The following MAP3K9 variants were observed in gnomAD, a reference collection of about 807,000 sequenced individuals.
The protein encoded by MAP3K9 is mitogen-activated protein kinase kinase kinase 9.
Under a neutral mutation model 95.8 loss-of-function variants are expected in MAP3K9, and 46 were observed. The ratio of observed to expected loss-of-function variants is 0.48; its 90% CI spans 0.38 to 0.61. The LOEUF (loss-of-function observed/expected upper bound fraction) is 0.61. MAP3K9 is among the 20% of genes least tolerant of loss of function. The probability of loss-of-function intolerance (pLI) is 0.00; values close to 1 mark genes in which losing one functional copy is unlikely to be tolerated. For missense variants in MAP3K9, 1,296 were observed against 1,474.3 expected, an observed-to-expected ratio of 0.88 and a Z score of 1.98; for synonymous variants, 533 against 593.8, an observed-to-expected ratio of 0.90 and a Z score of 1.49.
chr14:70,758,592 T>C (rs2054328233), intron 3 of MAP3K9, among the ~76,000 whole-genome samples: 4 of 152,152 alleles, frequency 2.6e-5, no homozygotes, highest in Admixed American at 2.6e-4. Flanking sequence ...CACAAAAGCT[T>C]GTGTTGTACA....
intron 2 of MAP3K9, chr14:70,765,496 A>G (rs180983567): frequency 1.2e-4 from 84 of 685,590 alleles, no homozygotes; most frequent in South Asian, 1.0e-3. Flanking sequence ...TTCTGTAAAG[A>G]AGTACCATTT....
At chr14:70,753,542 G>A (rs2054258816) in intron 3 of MAP3K9, among the ~76,000 whole-genome samples, 1 of 152,164 alleles carries the variant, frequency 6.6e-6, no homozygotes, top group Non-Finnish European at 1.5e-5. Flanking sequence ...AAGTTGATGT[G>A]ATTTACCTCA....
chr14:70,750,193 T>G (rs938006399), intron 3 of MAP3K9, 112 bp from the exon 4 acceptor site: 2 of 973,390 alleles, frequency 2.1e-6, no homozygotes, highest in Non-Finnish European at 3.1e-6. Flanking sequence ...ATAGTGAGAC[T>G]AATGAAACAG....
At chr14:70,738,806 T>C (rs1202507588) in intron 7 of MAP3K9, among the ~76,000 whole-genome samples, 2 of 151,106 alleles carry the variant, frequency 1.3e-5, no homozygotes, top group Non-Finnish European at 3.0e-5. Flanking sequence ...AAAGAAAGGG[T>C]TGGGAAGAAA....
At position 70,733,183 on chromosome 14, in the gene MAP3K9, C is replaced by A. The variant is rs911342222; in HGVS notation, c.2186G>T (p.Ser729Ile). The A allele has an allele frequency of 1.1e-5, 17 of 1,610,556 alleles. No homozygotes were observed. Among genetic ancestry groups the A allele is most frequent in the Non-Finnish European group, 1.4e-5 (16 of 1,177,536 alleles). Residue 729 changes from serine to isoleucine, a missense_variant, in exon 11 of 12, where the codon AGT (serine) becomes ATT (isoleucine). By Grantham distance (142) the Ser-to-Ile change is moderately radical. This residue lies in a region of MAP3K9 where 377 missense variants were observed against 417.1 expected (regional missense o/e 0.90). Coordinates refer to ENST00000554752, the MANE Select transcript of MAP3K9 (RefSeq NM_001284230.2). ...GTTGGTTGGCGTCAGCTGAGGGGTA[C>A]TCGTGGCCGAGTTGACTGGGGTGGG... ...EEPTPVNSAT[S>I]TPQLTPTNSL...
rs549022050 is a variant in MAP3K9 at position 70,744,200 on chromosome 14, G to A, written c.1327-1609C>T. ...GGAACGTCACACACCCTGTGGGAGTGGGGGGCTAGGGGAGGGAGAGCATTA... is the reference window on the plus strand; with the variant it reads ...GGAACGTCACACACCCTGTGGGAGTAGGGGGCTAGGGGAGGGAGAGCATTA... On this transcript the variant is annotated intron_variant, in intron 5 of 11. Transcript: ENST00000554752. 9.2e-5 allele frequency among the ~76,000 whole-genome samples: 14 copies of A among 152,162 alleles called. No homozygotes were observed. In the East Asian group the frequency reaches 2.7e-3, roughly 29 times the overall value.
At chr14:70,802,020 C>T (rs892148033) in intron 1 of MAP3K9, among the ~76,000 whole-genome samples, 2 of 152,172 alleles carry the variant, frequency 1.3e-5, no homozygotes, top group African/African-American at 2.4e-5. Flanking sequence ...GCTTGAACAT[C>T]ACATTGTAAA....
intron 2 of MAP3K9, among the ~76,000 whole-genome samples, chr14:70,765,176 T>C: frequency 6.6e-6 from 1 of 150,854 alleles, no homozygotes; most frequent in East Asian, 2.0e-4. Context: ...TAAAAATACA[T>C]AAAATTAGCT....
At chr14:70,759,171 C>A (rs971045153) in intron 3 of MAP3K9, among the ~76,000 whole-genome samples, 1 of 152,132 alleles carries the variant, frequency 6.6e-6, no homozygotes, top group African/African-American at 2.4e-5. Context: ...ATTGGCCGGG[C>A]ATGGTGTGGT....
intron 2 of MAP3K9, among the ~76,000 whole-genome samples, chr14:70,763,683 A>T (rs917001177): frequency 6.6e-6 from 1 of 151,854 alleles, no homozygotes; most frequent in African/African-American, 2.4e-5. Flanking sequence ...GGTATGTGCC[A>T]CCACACCCAA....
chr14:70,775,407 T>G (rs961842101), intron 2 of MAP3K9, among the ~76,000 whole-genome samples: 4 of 152,228 alleles, frequency 2.6e-5, no homozygotes, highest in African/African-American at 7.2e-5. Flanking sequence ...CTCCTTTCAC[T>G]ATACCCTGCT....
chr14:70,761,745 T>A (rs34817530), intron 2 of MAP3K9, among the ~76,000 whole-genome samples: 1 of 152,198 alleles, frequency 6.6e-6, no homozygotes, highest in Non-Finnish European at 1.5e-5. Context: ...TTATTTTTTG[T>A]AGACCTTTTT....
chr14:70,750,426 A>C (rs2054209129), intron 3 of MAP3K9, among the ~76,000 whole-genome samples: 1 of 152,178 alleles, frequency 6.6e-6, no homozygotes, highest in Admixed American at 6.5e-5. Flanking sequence ...GAGCTACTAT[A>C]GTGTTTAAAT....
Position 70,723,051 on chromosome 14 carries a change from GAT to G in MAP3K9, c.*7327_*7328del, listed in dbSNP as rs1566718393. The G allele has an allele frequency of 6.6e-6, 1 of 152,210 alleles. No homozygotes were observed. The highest frequency in any genetic ancestry group is 1.5e-5 in the Non-Finnish European group (1 of 68,074). 9.4% of individuals were successfully genotyped at this position (152,210 alleles called of 1,614,324 possible). On this transcript the variant is annotated 3_prime_UTR_variant, in exon 12 of 12. Transcript: ENST00000554752. Reference sequence around the variant, plus strand: ...ATCTGGGTTTCGGTGGGGAGTGCAGGATGAGTAGGGAGGGAAATCAGAAAAGA... The same window carrying G: ...ATCTGGGTTTCGGTGGGGAGTGCAGGGAGTAGGGAGGGAAATCAGAAAAGA...
In MAP3K9 at chr14:70,801,081, C is replaced by T. The variant is rs1362091396; in HGVS notation, c.407-1G>A. 12 of 1,596,344 alleles carry T rather than the reference C, an allele frequency of 7.5e-6. No individual in the cohort carries two copies. Among genetic ancestry groups the T allele is most frequent in the Non-Finnish European group, 1.0e-5 (12 of 1,169,110 alleles). On this transcript the variant is annotated splice_acceptor_variant, in intron 1 of 11. Coordinates refer to ENST00000554752, the MANE Select transcript of MAP3K9 (RefSeq NM_001284230.2). LOFTEE classifies it high-confidence loss of function. Reference sequence around the variant, plus strand: ...AGCTCCGCAAAATCAATTTCTAACACTGAGAAAGGGAAGAAAAAAAGAAGC... The same window carrying T: ...AGCTCCGCAAAATCAATTTCTAACATTGAGAAAGGGAAGAAAAAAAGAAGC...
Position 70,738,286 on chromosome 14 carries a change from T to C in MAP3K9, c.1803A>G (p.Pro601=). The change falls in exon 8 of 12, where the codon CCA becomes CCG. Residue 601 remains proline (P), a synonymous_variant. Coordinates refer to ENST00000554752, the MANE Select transcript of MAP3K9 (RefSeq NM_001284230.2). Reference sequence around the variant, plus strand: ...CAAGCTCCTTCTGACCAAGCGTCCCTGGCCCCCACGTCCGTCCCTTCTTCT... The same window carrying C: ...CAAGCTCCTTCTGACCAAGCGTCCCCGGCCCCCACGTCCGTCCCTTCTTCT... ...APKKKGRTWG[P]GTLGQKELAS... 1 of 1,613,474 alleles carries C rather than the reference T, an allele frequency of 6.2e-7. No individual in the cohort carries two copies. Among genetic ancestry groups the C allele is most frequent in the Non-Finnish European group, 8.5e-7 (1 of 1,179,754 alleles).
Position 70,724,451 on chromosome 14 carries a change from C to CCCCT in MAP3K9, c.*5925_*5928dup, listed in dbSNP as rs1010324217. 1.3e-5 allele frequency: 2 copies of CCCCT among 152,070 alleles called. No individual in the cohort carries two copies. The highest frequency in any genetic ancestry group is 2.9e-5 in the Non-Finnish European group (2 of 68,008). 9.4% of individuals were successfully genotyped at this position (152,070 alleles called of 1,614,324 possible). ...AACGTATTTCACAGTGGTACCTAAG[C>CCCCT]CCCTCTCACAGGTCCAGGTGAGGGG... On this transcript the variant is annotated 3_prime_UTR_variant, in exon 12 of 12. Transcript: ENST00000554752.
Position 70,765,689 on chromosome 14 carries a change from T to C in MAP3K9, c.821-4507A>G, listed in dbSNP as rs114062645. ...AATCTTTCGGCTTCCCTGGGCCATA[T>C]TGGAAGAAATGTCTTGGGCCACACA... is the stretch of plus-strand genomic sequence containing the variant. On this transcript the variant is annotated intron_variant, in intron 2 of 11. Coordinates refer to ENST00000554752, the MANE Select transcript of MAP3K9 (RefSeq NM_001284230.2). Among the ~76,000 whole-genome samples the C allele has an allele frequency of 7.1e-3, 1,037 of 145,660 alleles. 10 individuals carry two copies. The highest frequency in any genetic ancestry group is 0.025 in the African/African-American group (967 of 39,184).
At chr14:70,730,939 C>A (rs1005175146) in intron 11 of MAP3K9, 75 bp from the exon 12 acceptor site, 23 of 1,425,480 alleles carry the variant, frequency 1.6e-5, no homozygotes, top group East Asian at 2.3e-5. Flanking sequence ...TACTCCCCCC[C>A]AACACCACCA....
Sources: allele counts gnomAD v4.1 joint callset (sites outside exome capture counted in the v4.1 genomes callset), GRCh38; gene constraint gnomAD v4.1.1; regional missense constraint gnomAD v4.1.1; transcripts MANE v1.5; gene names NCBI Gene and HGNC (gene_info 2026-07-23, HGNC 2026-07-21).